Variants in NUMB observed in about 807,000 individuals in gnomAD.
NUMB encodes the protein NUMB endocytic adaptor protein.
In NUMB, 29 loss-of-function variants were observed where a neutral mutation model predicts 59.7. The observed-to-expected ratio is 0.49, with a 90% CI of 0.36 to 0.66. The LOEUF (loss-of-function observed/expected upper bound fraction) is 0.66. Ranked by LOEUF, NUMB falls within the 30% of genes least tolerant of loss-of-function variation. The pLI is 0.00. For synonymous variants in NUMB, 288 were observed against 288.2 expected (o/e 1.00, Z 0.01); for missense variants, 723 against 822.0 (o/e 0.88, Z 1.47).
intron 4 of NUMB, among the ~76,000 whole-genome samples, chr14:73,349,636 T>C (rs1241828153): frequency 1.3e-5 from 2 of 150,390 alleles, no homozygotes; most frequent in South Asian, 2.1e-4. Flanking sequence ...TCCCAGCACT[T>C]TGGGAGGCCG....
chr14:73,387,353 C>A (rs893034084), intron 2 of NUMB, among the ~76,000 whole-genome samples: 3 of 152,094 alleles, frequency 2.0e-5, no homozygotes, highest in Admixed American at 6.5e-5. Flanking sequence ...CGGTTTAATT[C>A]TTTACACAAT....
Position 73,324,492 on chromosome 14 carries a change from A to G in NUMB, c.127-1288T>C, listed in dbSNP as rs147947201. ...ACTGAATGTTCAAAGGGTAGAGGGA[A>G]AGTTCTCTTCTCCCCAGCATCAACA... On this transcript the variant is annotated intron_variant, in intron 4 of 12. Coordinates refer to ENST00000555238, the MANE Select transcript of NUMB (RefSeq NM_001005743.2). Among the ~76,000 whole-genome samples the G allele has an allele frequency of 4.6e-3, 706 of 152,294 alleles. 4 individuals are homozygous for G. The highest frequency in any genetic ancestry group is 0.03 in the South Asian group (143 of 4,830).
rs1888196402 is a variant in NUMB, at chr14:73,276,871, T to G, written c.1663A>C (p.Ser555Arg). ...GGGAATGTCTGCTGCCTGACCAGGC[T>G]GGGTGACTGATGGGGATGGGCAGCC... ...PQAAHPHQSP[S>R]LVRQQTFPHY... The change falls in exon 13 of 13, where the codon AGC becomes CGC. Residue 555 changes from serine to arginine, a missense_variant. By Grantham distance (110) the Ser-to-Arg change is moderately radical. Transcript: ENST00000555238. 2 of 1,613,956 alleles carry G rather than the reference T, an allele frequency of 1.2e-6. No individual in the cohort carries two copies. Among genetic ancestry groups the G allele is most frequent in the South Asian group, 2.2e-5 (2 of 91,080 alleles).
intron 6 of NUMB, chr14:73,298,467 A>G (rs1425809078): frequency 6.6e-6 from 1 of 152,212 alleles, no homozygotes; most frequent in Non-Finnish European, 1.5e-5. Flanking sequence ...CTCAGAAAAT[A>G]CTTTTTGGCA....
At chr14:73,396,507 C>T (rs1025996369) in intron 2 of NUMB, among the ~76,000 whole-genome samples, 1 of 143,732 alleles carries the variant, frequency 7.0e-6, no homozygotes, top group African/African-American at 2.7e-5. Flanking sequence ...ACCACAAGGC[C>T]TGGCTAGTTT....
intron 1 of NUMB, among the ~76,000 whole-genome samples, chr14:73,429,217 A>G (rs969040976): frequency 2.0e-5 from 3 of 151,852 alleles, no homozygotes. Context: ...TCAAAATACA[A>G]AAAAATTAGC....
At chr14:73,404,725 T>A (rs901701511) in intron 2 of NUMB, among the ~76,000 whole-genome samples, 12 of 152,172 alleles carry the variant, frequency 7.9e-5, no homozygotes, top group Admixed American at 7.9e-4. Context: ...TAGGACTTCA[T>A]TTTCATATTT....
chr14:73,422,764 G>A (rs1212999652), intron 1 of NUMB, among the ~76,000 whole-genome samples: 1 of 152,026 alleles, frequency 6.6e-6, no homozygotes, highest in African/African-American at 2.4e-5. Flanking sequence ...TCACCAAGGA[G>A]ATAATGGTAA....
chr14:73,277,338 C>G (rs1019007234), intron 12 of NUMB, 45 bp from the exon 13 acceptor site: 9 of 1,357,790 alleles, frequency 6.6e-6, no homozygotes, highest in Non-Finnish European at 9.1e-6. Flanking sequence ...TTAGGGGCAT[C>G]TTTCCTCACC....
chr14:73,299,674 A>C (rs1212971544), intron 6 of NUMB, among the ~76,000 whole-genome samples: 2 of 151,972 alleles, frequency 1.3e-5, no homozygotes, highest in East Asian at 3.9e-4. Context: ...CGTGATACAG[A>C]AGTAGAAGTT....
intron 9 of NUMB, chr14:73,286,819 A>G (rs868784084): frequency 7.4e-6 from 3 of 404,496 alleles, no homozygotes; most frequent in Non-Finnish European, 4.6e-6. Flanking sequence ...ATACATCAGA[A>G]TTAAAAAGGT....
chr14:73,422,450 G>A (rs141171772), intron 1 of NUMB, among the ~76,000 whole-genome samples: 13 of 152,184 alleles, frequency 8.5e-5, no homozygotes, highest in African/African-American at 3.1e-4. Flanking sequence ...AGGATAAAAA[G>A]CCTAACCAAT....
rs919863239 is a variant in NUMB at position 73,276,972 on chromosome 14, G to C, written c.1562C>G (p.Ala521Gly). 6.2e-7 allele frequency: 1 copy of C among 1,614,152 alleles called. No individual in the cohort carries two copies. The highest frequency in any genetic ancestry group is 1.3e-5 in the African/African-American group (1 of 75,054). The change falls in exon 13 of 13, where the codon GCC becomes GGC. Residue 521 changes from alanine (A) to glycine (G), a missense_variant. Physicochemically the swap from Ala to Gly is moderately conservative, Grantham distance 60. Around this residue, in one of 2 missense-constraint regions of NUMB, gnomAD observed 406 missense variants for 385.4 expected, o/e 1.05. Transcript: ENST00000555238. Reference protein sequence around the residue: ...YPVANGMPYPAPNVPVVGITP... With the variant: ...YPVANGMPYPGPNVPVVGITP... ...GATGCCCACCACAGGCACATTAGGG[G>C]CTGGATAGGGCATTCCATTGGCCAC...
chr14:73,291,415 G>A (rs138099472), intron 8 of NUMB, among the ~76,000 whole-genome samples: 102 of 151,620 alleles, frequency 6.7e-4, no homozygotes, highest in African/African-American at 2.4e-3. Context: ...GAGTCTTACT[G>A]TCGTCCAGGC....
intron 1 of NUMB, among the ~76,000 whole-genome samples, chr14:73,428,600 T>C (rs1222880794): frequency 1.3e-5 from 2 of 152,120 alleles, no homozygotes; most frequent in South Asian, 2.1e-4. Flanking sequence ...TCAACCAGCC[T>C]GGGCAACATA....
intron 6 of NUMB, among the ~76,000 whole-genome samples, chr14:73,299,743 CT>C (rs931784664): frequency 6.6e-6 from 1 of 151,776 alleles, no homozygotes; most frequent in African/African-American, 2.4e-5. Flanking sequence ...GTATTAAATA[CT>C]TTTTTTTACA....
intron 1 of NUMB, among the ~76,000 whole-genome samples, chr14:73,414,080 G>C (rs529253996): frequency 2.6e-5 from 4 of 151,298 alleles, no homozygotes; most frequent in African/African-American, 9.7e-5. Flanking sequence ...TCAGCCTCCT[G>C]AGTAGCTGAG....
At chr14:73,424,300 G>C (rs1038758205) in intron 1 of NUMB, among the ~76,000 whole-genome samples, 1 of 152,012 alleles carries the variant, frequency 6.6e-6, no homozygotes, top group Non-Finnish European at 1.5e-5. Flanking sequence ...AAAGGTTCTG[G>C]GTCAGAATCC....
chr14:73,279,184 T>C, intron 12 of NUMB, 97 bp downstream of exon 12: 3 of 1,371,598 alleles, frequency 2.2e-6, no homozygotes, highest in Non-Finnish European at 3.1e-6. Context: ...CCTGAAAGGA[T>C]TCCTCCCTAG....
Sources: gnomAD v4.1 joint callset for allele counts (sites outside exome capture counted in the v4.1 genomes callset) on GRCh38, gnomAD v4.1.1 for gene constraint, gnomAD v4.1.1 regional missense constraint, MANE v1.5 for transcripts, NCBI Gene and HGNC (gene_info 2026-07-23, HGNC 2026-07-21) for gene names.